The following CPNE3 variants were observed in gnomAD, a reference collection of about 807,000 sequenced individuals.
CPNE3 encodes copine-3.
Under a neutral mutation model 63.9 loss-of-function variants are expected in CPNE3, and 68 were observed. The ratio of observed to expected loss-of-function variants is 1.06; its 90% confidence interval spans 0.87 to 1.30. The LOEUF (loss-of-function observed/expected upper bound fraction) is 1.30, where lower values mean the gene tolerates loss of function less well. CPNE3 is among the 50% of genes most tolerant of loss of function. CPNE3 has a pLI of 0.00. For synonymous variants in CPNE3, 219 were observed against 197.5 expected (o/e 1.11, Z -0.91); for missense variants, 665 against 578.1 (o/e 1.15, Z -1.54).
At chr8:86,548,560 C>A (rs1821105778) in intron 12 of CPNE3, 126 bp downstream of exon 12, 6 of 1,173,514 alleles carry the variant, frequency 5.1e-6, no homozygotes. Context: ...TAAAATCCCC[C>A]CGTCTTATCT....
intron 8 of CPNE3, among the ~76,000 whole-genome samples, chr8:86,541,938 T>C (rs1401631455): frequency 1.3e-5 from 2 of 152,176 alleles, no homozygotes; most frequent in African/African-American, 4.8e-5. Context: ...TCATTAGATG[T>C]CAGAAGGCAG....
chr8:86,532,568 A>G lies in CPNE3; in HGVS notation c.447A>G (p.Lys149=). Residue 149 remains lysine (K), a synonymous_variant, in exon 6 of 17, where the codon AAA becomes AAG. Coordinates refer to ENST00000517490, the MANE Select transcript of CPNE3 (RefSeq NM_003909.5). ...RVVLFEMEAR[K]LDNKDLFGKS... is the part of the protein sequence containing the mutation. ...TCTTGTTTGAAATGGAAGCCAGAAA[A>G]CTGGATAATAAGGTGGGTAGACTAT... is the stretch of plus-strand genomic sequence containing the variant. The G allele has an allele frequency of 3.7e-6, 6 of 1,612,918 alleles. No individual in the cohort carries two copies. Among genetic ancestry groups the G allele is most frequent in the Non-Finnish European group, 5.1e-6 (6 of 1,179,432 alleles).
chr8:86,529,893 T>G (rs969884779), intron 4 of CPNE3, among the ~76,000 whole-genome samples: 4 of 152,154 alleles, frequency 2.6e-5, no homozygotes, highest in African/African-American at 9.7e-5. Flanking sequence ...TGTTTGGAGA[T>G]TATGGTATTT....
At chr8:86,521,875 G>A (rs543681871) in intron 2 of CPNE3, among the ~76,000 whole-genome samples, 1 of 151,558 alleles carries the variant, frequency 6.6e-6, no homozygotes, top group African/African-American at 2.4e-5. Flanking sequence ...TGTGACATAT[G>A]GACCTTCCAC....
At chr8:86,518,787 T>C (rs1024289993) in intron 2 of CPNE3, among the ~76,000 whole-genome samples, 1 of 152,194 alleles carries the variant, frequency 6.6e-6, no homozygotes, top group African/African-American at 2.4e-5. Context: ...ATTTATTTAT[T>C]TGTGAGATGG....
At chr8:86,536,885 G>A (rs1437433696) in intron 6 of CPNE3, among the ~76,000 whole-genome samples, 1 of 152,144 alleles carries the variant, frequency 6.6e-6, no homozygotes, top group Non-Finnish European at 1.5e-5. Context: ...GGTGATAACG[G>A]TATTTTTGAG....
In CPNE3 at chr8:86,554,881, C is replaced by G. The variant is rs757664686; in HGVS notation, c.1151C>G (p.Ser384Cys). 2 of 1,613,958 alleles carry G rather than the reference C, an allele frequency of 1.2e-6. No individual in the cohort carries two copies. Among genetic ancestry groups the G allele is most frequent in the Non-Finnish European group, 1.7e-6 (2 of 1,180,018 alleles). The change falls in exon 15 of 17, where the codon TCT becomes TGT. Residue 384 changes from serine to cysteine, a missense_variant. Ser to Cys is a moderately radical substitution (Grantham distance 112). Coordinates refer to ENST00000517490, the MANE Select transcript of CPNE3 (RefSeq NM_003909.5). ...CAAGGCATTGTAGAGGCGTATCGGT[C>G]TTGTCTTCCTCAGATAAAACTCTAT... ...GIQGIVEAYR[S>C]CLPQIKLYGP... is the part of the protein sequence containing the mutation.
rs1820978299 is a variant in CPNE3 at position 86,543,184 on chromosome 8, G to C, written c.634-1556G>C. On this transcript the variant is annotated intron_variant, in intron 8 of 16. Coordinates refer to ENST00000517490, the MANE Select transcript of CPNE3 (RefSeq NM_003909.5). ...TAAAGAGTCATATAAAAGGTTTTTG[G>C]TTTAAAAATTGGATACTGAGTAGGG... 3.3e-5 allele frequency among the ~76,000 whole-genome samples: 5 copies of C among 152,024 alleles called. No individual in the cohort carries two copies. In the South Asian group the frequency reaches 1.0e-3, roughly 32 times the overall value.
At chr8:86,521,653 TA>T (rs1820435834) in intron 2 of CPNE3, 2 of 152,204 alleles carry the variant, frequency 1.3e-5, no homozygotes, top group African/African-American at 4.8e-5. Flanking sequence ...GATTTTGGCA[TA>T]AAGGGGAAAA....
chr8:86,532,446 T>C, intron 5 of CPNE3, 63 bp from the exon 6 acceptor site: 2 of 1,209,264 alleles, frequency 1.7e-6, no homozygotes, highest in Non-Finnish European at 2.4e-6. Context: ...AATAAATCAG[T>C]GCTTAAGTGT....
chr8:86,532,550 T>G lies in CPNE3; in HGVS notation c.429T>G (p.Phe143Leu), dbSNP rs187667125. 9.9e-6 allele frequency: 16 copies of G among 1,613,356 alleles called. No individual in the cohort carries two copies. In the Admixed American group the frequency reaches 2.7e-4, roughly 27 times the overall value. The change falls in exon 6 of 17, where the codon TTT becomes TTG. Residue 143 changes from phenylalanine to leucine, a missense_variant. Phe to Leu is a conservative substitution (Grantham distance 22). Coordinates refer to ENST00000517490, the MANE Select transcript of CPNE3 (RefSeq NM_003909.5). Reference protein sequence around the residue: ...EEIKDNRVVLFEMEARKLDNK... With the variant: ...EEIKDNRVVLLEMEARKLDNK... ...TAAAAGATAATAGAGTGGTCTTGTT[T>G]GAAATGGAAGCCAGAAAACTGGATA...
chr8:86,551,866 C>A (rs1821187269), intron 14 of CPNE3, among the ~76,000 whole-genome samples: 1 of 152,200 alleles, frequency 6.6e-6, no homozygotes, highest in Non-Finnish European at 1.5e-5. Context: ...GCTATGTTGG[C>A]CAGGCTGGTC....
At chr8:86,530,689 GAT>G (rs1491278139) in intron 4 of CPNE3, among the ~76,000 whole-genome samples, 2 of 111,196 alleles carry the variant, frequency 1.8e-5, no homozygotes, top group African/African-American at 7.8e-5. Context: ...TAAATATTTA[GAT>G]TTTTTTTTTT....
In CPNE3 at chr8:86,547,786, A is replaced by G. The variant is rs751975813; in HGVS notation, c.879+16A>G. On this transcript the variant is annotated intron_variant, in intron 11 of 16. Transcript: ENST00000517490. Reference sequence around the variant, plus strand: ...GAATTTTACTGTAAGTAACACACTGAATTTTTCAGCATAGGCTTTTTCCTC... The same window carrying G: ...GAATTTTACTGTAAGTAACACACTGGATTTTTCAGCATAGGCTTTTTCCTC... 2 of 1,171,702 alleles carry G rather than the reference A, an allele frequency of 1.7e-6. No individual in the cohort carries two copies. Among genetic ancestry groups the G allele is most frequent in the Non-Finnish European group, 2.6e-6 (2 of 783,220 alleles). 72.6% of individuals were successfully genotyped at this position (1,171,702 alleles called of 1,614,324 possible). A position where few individuals can be genotyped will look rare whatever the true frequency, so the allele number is the denominator to read the frequency against.
chr8:86,543,495 G>C (rs1820987260), intron 8 of CPNE3, among the ~76,000 whole-genome samples: 1 of 152,116 alleles, frequency 6.6e-6, no homozygotes. Context: ...ATCTAAGTTT[G>C]AGAAGGATAT....
At position 86,560,660 on chromosome 8, in the gene CPNE3, C is replaced by T. The variant is rs1393181326; in HGVS notation, c.*2250C>T. 1.3e-5 allele frequency: 2 copies of T among 152,170 alleles called. No homozygotes were observed. Among genetic ancestry groups the T allele is most frequent in the Non-Finnish European group, 2.9e-5 (2 of 68,026 alleles). The allele number at this position is 152,170 out of a possible 1,614,324, so 9.4% of individuals were successfully genotyped here. ...CAGTAGATGCTATTATTCATAAGAA[C>T]TGTGATTCCAGCAAACTAGGGTAAT... On this transcript the variant is annotated 3_prime_UTR_variant, in exon 17 of 17. Transcript: ENST00000517490.
chr8:86,544,903 A>AT, intron 9 of CPNE3, 65 bp downstream of exon 9: 4 of 947,706 alleles, frequency 4.2e-6, no homozygotes, highest in East Asian at 2.8e-5. Flanking sequence ...ACTGTATTTC[A>AT]TTTTTTTCCC....
At chr8:86,529,976 G>A (rs1306338559) in intron 4 of CPNE3, among the ~76,000 whole-genome samples, 1 of 151,994 alleles carries the variant, frequency 6.6e-6, no homozygotes, top group Admixed American at 6.6e-5. Context: ...AGAAAAAATT[G>A]AGGAAGTATT....
chr8:86,557,773 C>G (rs914958246), intron 16 of CPNE3, among the ~76,000 whole-genome samples: 2 of 151,914 alleles, frequency 1.3e-5, no homozygotes, highest in African/African-American at 2.4e-5. Flanking sequence ...CACACACACA[C>G]AAATGAGTAA....
Sources: allele counts gnomAD v4.1 joint callset (sites outside exome capture counted in the v4.1 genomes callset), GRCh38; gene constraint gnomAD v4.1.1; transcripts MANE v1.5; gene names NCBI Gene and HGNC (gene_info 2026-07-23, HGNC 2026-07-21).